The following CACNB4 variants were observed in gnomAD, a reference collection of about 807,000 sequenced individuals.
The protein encoded by CACNB4 is voltage-dependent L-type calcium channel subunit beta-4.
A neutral mutation model predicts 71.2 loss-of-function variants in CACNB4; 32 were observed. The ratio of observed to expected loss-of-function variants is 0.45; its 90% CI spans 0.34 to 0.60. The LOEUF is 0.60. Ranked by LOEUF, CACNB4 falls within the 20% of genes least tolerant of loss-of-function variation. The probability of loss-of-function intolerance (pLI) is 0.01; values close to 1 mark genes in which losing one functional copy is unlikely to be tolerated. For synonymous variants in CACNB4, 231 were observed against 236.9 expected (o/e 0.97, Z 0.23); for missense variants, 464 against 647.9 (o/e 0.72, Z 3.08).
chr2:151,877,034 T>C (rs1286576906), intron 4 of CACNB4, among the ~76,000 whole-genome samples: 2 of 147,830 alleles, frequency 1.4e-5, no homozygotes, highest in Admixed American at 1.4e-4. Flanking sequence ...TGTGCATATA[T>C]AGATCTATAT....
intron 10 of CACNB4, chr2:151,858,246 A>G (rs1187664421): frequency 1.3e-5 from 2 of 152,226 alleles, no homozygotes; most frequent in Non-Finnish European, 2.9e-5. Flanking sequence ...TAAACTGACC[A>G]TGATGATTTG....
intron 2 of CACNB4, among the ~76,000 whole-genome samples, chr2:152,049,397 C>T (rs1423996694): frequency 6.6e-6 from 1 of 151,982 alleles, no homozygotes; most frequent in African/African-American, 2.4e-5. Context: ...GTGATGTGCC[C>T]GCCTCAGCCT....
chr2:152,098,642 A>C lies in CACNB4; in HGVS notation c.64-229T>G, dbSNP rs1373499650. 4 of 1,505,624 alleles carry C rather than the reference A, an allele frequency of 2.7e-6. No homozygotes were observed. Among genetic ancestry groups the C allele is most frequent in the Admixed American group, 3.8e-5 (2 of 52,040 alleles). 93.3% of individuals were successfully genotyped at this position (1,505,624 alleles called of 1,614,324 possible). A position where few individuals can be genotyped will look rare whatever the true frequency, so the allele number is the denominator to read the frequency against. On this transcript the variant is annotated intron_variant, in intron 1 of 13. Transcript: ENST00000539935. The surrounding 1 kb of genome is among the most constrained non-coding windows in gnomAD (Gnocchi z 5.3). ...GAAGAGCAGCCCGCAAGCACCCACCACATCCATTAACAAAGACTCTCAGGG... is the reference window on the plus strand; with the variant it reads ...GAAGAGCAGCCCGCAAGCACCCACCCCATCCATTAACAAAGACTCTCAGGG...
At chr2:152,020,185 A>G (rs1683575416) in intron 2 of CACNB4, among the ~76,000 whole-genome samples, 2 of 152,214 alleles carry the variant, frequency 1.3e-5, no homozygotes, top group Admixed American at 6.5e-5. Flanking sequence ...AGAAGTACCC[A>G]ACAGCATCGA....
Position 152,039,692 on chromosome 2 carries a change from G to A in CACNB4, c.147+58638C>T, listed in dbSNP as rs185515344. Among the ~76,000 whole-genome samples the A allele has an allele frequency of 2.6e-5, 4 of 152,340 alleles. No homozygotes were observed. The East Asian group carries it at 7.7e-4, about 29-fold the overall frequency. ...ACTCTGTGCATGGCAGGCAGGCAAGGCAAGGGAGTAGGGTGGGACCAAGCA... is the reference window on the plus strand; with the variant it reads ...ACTCTGTGCATGGCAGGCAGGCAAGACAAGGGAGTAGGGTGGGACCAAGCA... On this transcript the variant is annotated intron_variant, in intron 2 of 13. Transcript: ENST00000539935.
intron 2 of CACNB4, among the ~76,000 whole-genome samples, chr2:151,929,831 A>T (rs927399906): frequency 6.6e-6 from 1 of 152,164 alleles, no homozygotes; most frequent in Non-Finnish European, 1.5e-5. Flanking sequence ...CAGGCTCTAT[A>T]TGAAGAAAAA....
At chr2:151,947,231 T>C (rs952606871) in intron 2 of CACNB4, among the ~76,000 whole-genome samples, 3 of 152,350 alleles carry the variant, frequency 2.0e-5, no homozygotes, top group African/African-American at 7.2e-5. Flanking sequence ...GATGGGGCTA[T>C]GCAGGCAACA....
intron 2 of CACNB4, among the ~76,000 whole-genome samples, chr2:152,077,273 G>C (rs1687083357): frequency 6.6e-6 from 1 of 152,076 alleles, no homozygotes. Flanking sequence ...TATAAAAATT[G>C]GCCAGGCACG....
At chr2:151,981,438 T>C (rs2099874700) in intron 2 of CACNB4, among the ~76,000 whole-genome samples, 1 of 152,058 alleles carries the variant, frequency 6.6e-6, no homozygotes, top group Admixed American at 6.5e-5. Flanking sequence ...CCGCTGCAGA[T>C]TTAGAAAACA....
intron 2 of CACNB4, among the ~76,000 whole-genome samples, chr2:152,094,399 G>T (rs1414806047): frequency 7.9e-5 from 12 of 152,192 alleles, no homozygotes; most frequent in African/African-American, 2.9e-4. Context: ...AAGCAGGCAG[G>T]GGCCAGGCCA....
chr2:151,995,703 C>T (rs903981384), intron 2 of CACNB4, among the ~76,000 whole-genome samples: 12 of 152,120 alleles, frequency 7.9e-5, no homozygotes, highest in African/African-American at 2.9e-4. Context: ...AGCGAGACTC[C>T]GTCTCAAAAA....
At chr2:151,907,337 T>C (rs1170064677) in intron 2 of CACNB4, among the ~76,000 whole-genome samples, 3 of 152,192 alleles carry the variant, frequency 2.0e-5, no homozygotes, top group African/African-American at 4.8e-5. Flanking sequence ...AGTAAAGAAA[T>C]AGAGGTGAAT....
chr2:151,874,303 AC>A (rs1429879043), intron 5 of CACNB4, among the ~76,000 whole-genome samples: 1 of 151,984 alleles, frequency 6.6e-6, no homozygotes, highest in Non-Finnish European at 1.5e-5. Context: ...CCCCACCTCT[AC>A]CAAAAATACA....
intron 2 of CACNB4, among the ~76,000 whole-genome samples, chr2:152,089,361 G>A (rs889474604): frequency 6.6e-6 from 1 of 152,146 alleles, no homozygotes; most frequent in Non-Finnish European, 1.5e-5. Flanking sequence ...GTGTTCCCAG[G>A]GGTGGTCAAA....
chr2:151,944,507 G>A (rs1469411643), intron 2 of CACNB4, among the ~76,000 whole-genome samples: 1 of 152,156 alleles, frequency 6.6e-6, no homozygotes, highest in African/African-American at 2.4e-5. Context: ...AGTTACAACT[G>A]AAGGCCGGGT....
At chr2:151,892,377 A>G (rs923898669) in intron 2 of CACNB4, among the ~76,000 whole-genome samples, 7 of 152,168 alleles carry the variant, frequency 4.6e-5, no homozygotes, top group African/African-American at 1.7e-4. Flanking sequence ...TAAAAAAAAA[A>G]AAAGAAAAGA....
intron 2 of CACNB4, among the ~76,000 whole-genome samples, chr2:152,029,493 CAAAAAA>C (rs4036226): frequency 3.7e-5 from 4 of 108,822 alleles, no homozygotes; most frequent in Admixed American, 1.0e-4. Context: ...GACTCGATCT[CAAAAAA>C]AAAAAAAAAA....
intron 2 of CACNB4, among the ~76,000 whole-genome samples, chr2:152,067,499 A>C (rs1284789601): frequency 6.6e-6 from 1 of 152,028 alleles, no homozygotes; most frequent in Non-Finnish European, 1.5e-5. Flanking sequence ...GTATGAGCCA[A>C]TGTGCCCAGC....
intron 2 of CACNB4, among the ~76,000 whole-genome samples, chr2:152,000,963 T>C (rs551190896): frequency 6.6e-6 from 1 of 152,260 alleles, no homozygotes; most frequent in African/African-American, 2.4e-5. Flanking sequence ...AGCAGATTCT[T>C]CCTGAAGCAT....
Sources: allele counts gnomAD v4.1 joint callset (sites outside exome capture counted in the v4.1 genomes callset), GRCh38; gene constraint gnomAD v4.1.1; non-coding constraint Gnocchi (gnomAD v3.1); transcripts MANE v1.5; gene names NCBI Gene and HGNC (gene_info 2026-07-23, HGNC 2026-07-21).